The following KLHL20 variants were observed in gnomAD, a reference collection of about 807,000 sequenced individuals.
KLHL20 encodes the protein kelch-like protein 20.
In KLHL20, 29 loss-of-function variants were observed where a neutral mutation model predicts 69.5. The ratio of observed to expected loss-of-function variants is 0.42; its 90% CI spans 0.31 to 0.57. KLHL20 has a LOEUF of 0.57. Ranked by LOEUF, KLHL20 falls within the 20% of genes least tolerant of loss-of-function variation. The pLI, the probability that KLHL20 is intolerant of heterozygous loss-of-function variation, is 0.18. For missense variants in KLHL20, 419 were observed against 776.0 expected (o/e 0.54, Z 5.47); for synonymous variants, 253 against 265.2 (o/e 0.95, Z 0.45).
At chr1:173,781,980 T>C in intron 10 of KLHL20, 144 bp from the exon 11 acceptor site, 1 of 573,170 alleles carries the variant, frequency 1.7e-6, no homozygotes, top group Non-Finnish European at 3.2e-6. Context: ...ACTTTTGTTG[T>C]TACATTTTCC....
chr1:173,727,775 G>A (rs779351651), intron 2 of KLHL20, among the ~76,000 whole-genome samples: 10 of 152,004 alleles, frequency 6.6e-5, no homozygotes, highest in South Asian at 2.1e-4. Flanking sequence ...AGGAACAACC[G>A]GTACCAGCCA....
Position 173,774,320 on chromosome 1 carries a change from G to C in KLHL20, c.1311G>C (p.Glu437Asp). 1 of 1,614,180 alleles carries C rather than the reference G, an allele frequency of 6.2e-7. No homozygotes were observed. The highest frequency in any genetic ancestry group is 8.5e-7 in the Non-Finnish European group (1 of 1,180,030). ...CTCACTGCAGGTATGATCCGAAGGA[G>C]AACAAGTGGACTCGGGTAGCTTCTA... ...LNIVERYDPK[E>D]NKWTRVASMS... The change falls in exon 9 of 12, where the codon GAG (glutamate) becomes GAC (aspartate). Residue 437 changes from glutamate (E) to aspartate (D), a missense_variant. Transcript: ENST00000209884.
intron 10 of KLHL20, among the ~76,000 whole-genome samples, chr1:173,776,238 G>A (rs978573290): frequency 2.0e-5 from 3 of 152,118 alleles, no homozygotes; most frequent in African/African-American, 7.2e-5. Context: ...CTTCTTTGGA[G>A]AAAGGTCTAT....
chr1:173,773,189 C>G (rs2102529850), intron 8 of KLHL20, among the ~76,000 whole-genome samples: 1 of 151,688 alleles, frequency 6.6e-6, no homozygotes, highest in East Asian at 1.9e-4. Flanking sequence ...TGGTCTTGAA[C>G]TCGAACTTGT....
chr1:173,767,700 A>G (rs115150254), intron 8 of KLHL20, among the ~76,000 whole-genome samples: 182 of 152,266 alleles, frequency 1.2e-3, no homozygotes, highest in African/African-American at 4.2e-3. Context: ...AGAAATATCT[A>G]TTCAGGTCCT....
Position 173,766,648 on chromosome 1 carries a change from A to G in KLHL20, c.1295+359A>G, listed in dbSNP as rs796409405. On this transcript the variant is annotated intron_variant, in intron 8 of 11. Coordinates refer to ENST00000209884, the MANE Select transcript of KLHL20 (RefSeq NM_014458.4). ...AAAGTGAGACCCTGTATCAAGGGGG[A>G]AAAAAAAAAAAAAAAGAAACAAGTA... 1.5e-3 allele frequency among the ~76,000 whole-genome samples: 174 copies of G among 113,188 alleles called. 2 individuals are homozygous for G. The highest frequency in any genetic ancestry group is 1.0e-2 in the South Asian group (42 of 4,218). The allele number at this position is 113,188 out of a possible 152,430, so 74.3% of individuals were successfully genotyped here. A position where few individuals can be genotyped will look rare whatever the true frequency, so the allele number is the denominator to read the frequency against.
Position 173,785,873 on chromosome 1 carries a change from T to G in KLHL20, c.*626T>G, listed in dbSNP as rs1376555448. 1.3e-5 allele frequency: 2 copies of G among 152,210 alleles called. No individual in the cohort carries two copies. Among genetic ancestry groups the G allele is most frequent in the Non-Finnish European group, 2.9e-5 (2 of 68,018 alleles). 9.4% of individuals were successfully genotyped at this position (152,210 alleles called of 1,614,324 possible). A position where few individuals can be genotyped will look rare whatever the true frequency, so the allele number is the denominator to read the frequency against. On this transcript the variant is annotated 3_prime_UTR_variant, in exon 12 of 12. Transcript: ENST00000209884. ...CAGTTTTCATCAGTGTAATTTTATG[T>G]CTTGTTTCTTTCTATATGAACTTGT...
intron 7 of KLHL20, among the ~76,000 whole-genome samples, chr1:173,760,448 G>C (rs771235469): frequency 1.2e-4 from 19 of 152,090 alleles, no homozygotes; most frequent in Non-Finnish European, 2.6e-4. Flanking sequence ...ATGAAGGAAA[G>C]AATCAAGAGC....
chr1:173,758,277 A>G (rs1036534624), intron 7 of KLHL20, among the ~76,000 whole-genome samples: 1 of 152,090 alleles, frequency 6.6e-6, no homozygotes, highest in Non-Finnish European at 1.5e-5. Context: ...TCAAAAAAAA[A>G]AAGAAAAAGA....
chr1:173,725,289 C>T (rs2102458183), intron 2 of KLHL20, among the ~76,000 whole-genome samples: 1 of 152,254 alleles, frequency 6.6e-6, no homozygotes, highest in East Asian at 1.9e-4. Flanking sequence ...CGTGGTTTAC[C>T]CTAAAGCATC....
chr1:173,742,012 C>T (rs12067571), intron 3 of KLHL20: 23,653 of 513,652 alleles, frequency 0.046, 4,180 homozygotes, highest in African/African-American at 0.39. Context: ...GTATCATAGA[C>T]GACATTAATC....
chr1:173,756,914 G>A (rs1049763989), intron 6 of KLHL20, 62 bp from the exon 7 acceptor site: 21 of 1,495,368 alleles, frequency 1.4e-5, no homozygotes, highest in East Asian at 2.3e-5. Flanking sequence ...GAAGTTAGTA[G>A]TGAGTGTTAC....
intron 7 of KLHL20, among the ~76,000 whole-genome samples, chr1:173,762,614 A>C (rs181224571): frequency 7.2e-5 from 11 of 152,378 alleles, no homozygotes; most frequent in Non-Finnish European, 1.2e-4. Flanking sequence ...CCACATAAAC[A>C]GAATTAAAAA....
chr1:173,727,346 A>G (rs1006988147), intron 2 of KLHL20, among the ~76,000 whole-genome samples: 1 of 152,224 alleles, frequency 6.6e-6, no homozygotes, highest in Non-Finnish European at 1.5e-5. Context: ...ATCCACGAGA[A>G]CTTCCCCAAT....
At chr1:173,756,145 A>G (rs994940631) in intron 6 of KLHL20, 107 bp downstream of exon 6, 8 of 763,706 alleles carry the variant, frequency 1.0e-5, no homozygotes, top group South Asian at 1.0e-4. Context: ...ATAAGACACA[A>G]ATAATAAGTC....
At chr1:173,734,519 T>TAA in intron 3 of KLHL20, 3 of 487,544 alleles carry the variant, frequency 6.2e-6, no homozygotes, top group Non-Finnish European at 1.1e-5. Context: ...TAAAAGTATT[T>TAA]AAAAAAAAAT....
intron 2 of KLHL20, among the ~76,000 whole-genome samples, chr1:173,719,073 C>G (rs1327029849): frequency 1.6e-5 from 2 of 125,876 alleles, no homozygotes; most frequent in Non-Finnish European, 3.1e-5. Flanking sequence ...CCACTGCAAT[C>G]CGGCCTGGGC....
At chr1:173,772,601 ATAT>A (rs1383537120) in intron 8 of KLHL20, among the ~76,000 whole-genome samples, 4 of 152,222 alleles carry the variant, frequency 2.6e-5, no homozygotes, top group Non-Finnish European at 4.4e-5. Context: ...TAACCAAACC[ATAT>A]TATTATATTG....
chr1:173,727,591 A>G (rs1359265494), intron 2 of KLHL20, among the ~76,000 whole-genome samples: 2 of 152,238 alleles, frequency 1.3e-5, no homozygotes, highest in African/African-American at 2.4e-5. Flanking sequence ...GTGGGGGCCA[A>G]TATTCAACAT....
Sources: gnomAD v4.1 joint callset for allele counts (sites outside exome capture counted in the v4.1 genomes callset) on GRCh38, gnomAD v4.1.1 for gene constraint, MANE v1.5 for transcripts, NCBI Gene and HGNC (gene_info 2026-07-23, HGNC 2026-07-21) for gene names.